Variants in GLRA3 observed in about 807,000 individuals in gnomAD.
GLRA3 encodes the protein glycine receptor alpha 3, also known as glycine receptor subunit alpha-3.
GLRA3 carries 44 observed loss-of-function variants against 60.4 expected under a neutral mutation model. The ratio of observed to expected loss-of-function variants is 0.73; its 90% CI spans 0.57 to 0.94. The LOEUF is 0.94. Among genes scored for constraint, GLRA3 ranks in the 40% least tolerant of loss-of-function variants. GLRA3 has a pLI of 0.00. For synonymous variants in GLRA3, 223 were observed against 192.9 expected (o/e 1.16, Z -1.29); for missense variants, 508 against 564.6 (o/e 0.90, Z 1.02).
In GLRA3 at chr4:174,741,796, T is replaced by C. The variant is rs150249443; in HGVS notation, c.268-13098A>G. On this transcript the variant is annotated intron_variant, in intron 3 of 9. Coordinates refer to ENST00000274093, the MANE Select transcript of GLRA3 (RefSeq NM_006529.4). ...TATGAGTACGTATTGCAGCTTATTT[T>C]TTTCTTCTGCATAGTTGACAAATTA... Among the ~76,000 whole-genome samples the C allele has an allele frequency of 4.1e-3, 628 of 152,276 alleles. 3 individuals carry two copies. Among genetic ancestry groups the C allele is most frequent in the African/African-American group, 0.014 (584 of 41,560 alleles).
Position 174,677,241 on chromosome 4 carries a change from T to C in GLRA3, c.764A>G (p.Tyr255Cys). The change falls in exon 7 of 10, where the codon TAC becomes TGC. Residue 255 changes from tyrosine (Y) to cysteine (C), a missense_variant. Tyr to Cys is a radical substitution (Grantham distance 194). Transcript: ENST00000274093. ...GGGAATGTACATCTGGATCAGATAG[T>C]ATCCCATTTGTCGCTCCAGATGGAA... ...VRFHLERQMGYYLIQMYIPSL... is the reference protein window; with the variant it reads ...VRFHLERQMGCYLIQMYIPSL... 1 of 1,613,072 alleles carries C rather than the reference T, an allele frequency of 6.2e-7. No homozygotes were observed. Among genetic ancestry groups the C allele is most frequent in the Non-Finnish European group, 8.5e-7 (1 of 1,179,116 alleles).
intron 5 of GLRA3, among the ~76,000 whole-genome samples, chr4:174,688,199 A>C (rs1358176193): frequency 6.6e-6 from 1 of 151,106 alleles, no homozygotes; most frequent in African/African-American, 2.4e-5. Context: ...CTTGTATTTC[A>C]TACCTCATGA....
At chr4:174,815,927 C>T (rs1740482046) in intron 1 of GLRA3, among the ~76,000 whole-genome samples, 1 of 152,214 alleles carries the variant, frequency 6.6e-6, no homozygotes, top group African/African-American at 2.4e-5. Flanking sequence ...AATTTCTCCT[C>T]AGAAAATGGG....
intron 5 of GLRA3, among the ~76,000 whole-genome samples, chr4:174,690,316 T>C (rs1734745269): frequency 6.6e-6 from 1 of 152,216 alleles, no homozygotes; most frequent in African/African-American, 2.4e-5. Flanking sequence ...TTCATTTACA[T>C]TGCATTGAAA....
chr4:174,676,978 A>G (rs535076989), intron 7 of GLRA3, 100 bp downstream of exon 7: 1 of 689,246 alleles, frequency 1.5e-6, no homozygotes, highest in Non-Finnish European at 2.5e-6. Context: ...AATGCCATTG[A>G]AATGCCATTG....
intron 9 of GLRA3, among the ~76,000 whole-genome samples, chr4:174,652,291 C>A (rs1733047730): frequency 6.6e-6 from 1 of 151,674 alleles, no homozygotes; most frequent in South Asian, 2.1e-4. Context: ...GATTACATGT[C>A]AAAAAAGCAA....
At chr4:174,697,798 A>C (rs1044585923) in intron 5 of GLRA3, among the ~76,000 whole-genome samples, 33 of 152,220 alleles carry the variant, frequency 2.2e-4, no homozygotes, top group African/African-American at 8.0e-4. Context: ...ACTTCACAAA[A>C]TTGCCACACT....
At chr4:174,772,468 T>G (rs547470060) in intron 2 of GLRA3, among the ~76,000 whole-genome samples, 1 of 152,140 alleles carries the variant, frequency 6.6e-6, no homozygotes, top group African/African-American at 2.4e-5. Context: ...ACTATTTACT[T>G]GTGTATATAT....
At chr4:174,687,443 T>C (rs1734589030) in intron 5 of GLRA3, among the ~76,000 whole-genome samples, 1 of 152,136 alleles carries the variant, frequency 6.6e-6, no homozygotes, top group Non-Finnish European at 1.5e-5. Flanking sequence ...CACTGGTGTG[T>C]TTGAGTTGCA....
chr4:174,671,623 A>G (rs924820339), intron 7 of GLRA3, among the ~76,000 whole-genome samples: 7 of 152,138 alleles, frequency 4.6e-5, no homozygotes, highest in African/African-American at 1.4e-4. Context: ...TTAATATAAT[A>G]TAAAAGCTAT....
intron 9 of GLRA3, among the ~76,000 whole-genome samples, chr4:174,648,495 G>T (rs1447123779): frequency 6.6e-6 from 1 of 152,058 alleles, no homozygotes; most frequent in African/African-American, 2.4e-5. Flanking sequence ...ATCAATCTCT[G>T]CTGAGAAGGA....
At chr4:174,666,761 A>ATATAT (rs1733689652) in intron 7 of GLRA3, among the ~76,000 whole-genome samples, 4 of 72,370 alleles carry the variant, frequency 5.5e-5, no homozygotes, top group Admixed American at 3.9e-4. Flanking sequence ...TATATATATT[A>ATATAT]TATATATATA....
intron 2 of GLRA3, among the ~76,000 whole-genome samples, chr4:174,771,976 G>A (rs1365552350): frequency 6.6e-6 from 1 of 152,142 alleles, no homozygotes; most frequent in Non-Finnish European, 1.5e-5. Flanking sequence ...TTGGGAGCAA[G>A]TGTTATGTGG....
At chr4:174,755,779 A>G (rs1418782105) in intron 3 of GLRA3, among the ~76,000 whole-genome samples, 1 of 152,150 alleles carries the variant, frequency 6.6e-6, no homozygotes, top group African/African-American at 2.4e-5. Context: ...TGCAGAAAGA[A>G]CAAATGAAGA....
intron 2 of GLRA3, among the ~76,000 whole-genome samples, chr4:174,777,090 T>C (rs945295148): frequency 5.1e-4 from 78 of 152,076 alleles, no homozygotes; most frequent in African/African-American, 1.8e-3. Context: ...AAGAATATTG[T>C]TTTACAGAAA....
Position 174,766,987 on chromosome 4 carries a change from A to G in GLRA3, c.243T>C (p.Phe81=), listed in dbSNP as rs7696263. Reference sequence around the variant, plus strand: ...CCATGGTCGTCTCTGCGATAGAGCCAAAGCTGTTGATGAATATGTTGCATG... The same window carrying G: ...CCATGGTCGTCTCTGCGATAGAGCCGAAGCTGTTGATGAATATGTTGCATG... The part of the protein sequence containing the change: ...NVTCNIFINS[F]GSIAETTMDY... The change falls in exon 3 of 10, where the codon TTT becomes TTC. Residue 81 remains phenylalanine (F), a synonymous_variant. Transcript: ENST00000274093. The G allele has an allele frequency of 0.77, 1,225,903 of 1,587,994 alleles. 475,894 individuals carry two copies. Among genetic ancestry groups the G allele is most frequent in the East Asian group, 1 (44,218 of 44,316 alleles).
chr4:174,656,927 T>C (rs1733228942), intron 8 of GLRA3, 140 bp from the exon 9 acceptor site: 5 of 530,808 alleles, frequency 9.4e-6, no homozygotes, highest in African/African-American at 1.9e-5. Context: ...GATTTTCACA[T>C]ATGCAAAGTA....
intron 1 of GLRA3, among the ~76,000 whole-genome samples, chr4:174,828,379 C>T (rs991924868): frequency 6.6e-5 from 10 of 152,024 alleles, no homozygotes; most frequent in African/African-American, 2.4e-4. Flanking sequence ...TTTCTAAATA[C>T]TAAATGTTTT....
At chr4:174,805,639 A>G (rs1253855682) in intron 1 of GLRA3, among the ~76,000 whole-genome samples, 2 of 152,130 alleles carry the variant, frequency 1.3e-5, no homozygotes, top group East Asian at 3.9e-4. Flanking sequence ...TTCCTGACTC[A>G]CAGAAACTTT....
Sources: allele counts gnomAD v4.1 joint callset (sites outside exome capture counted in the v4.1 genomes callset), GRCh38; gene constraint gnomAD v4.1.1; transcripts MANE v1.5; gene names NCBI Gene and HGNC (gene_info 2026-07-23, HGNC 2026-07-21).